DDX50: variants seen among roughly 807,000 people sequenced by gnomAD.
The protein encoded by DDX50 is DExD-box helicase 50, also known as ATP-dependent RNA helicase DDX50.
A neutral mutation model predicts 94.8 loss-of-function variants in DDX50; 56 were observed. The observed-to-expected ratio is 0.59, with a 90% CI of 0.48 to 0.74. The LOEUF (loss-of-function observed/expected upper bound fraction) is 0.74, where lower values mean the gene tolerates loss of function less well. DDX50 is among the 30% of genes least tolerant of loss of function. The pLI is 0.00. For missense variants in DDX50, 713 were observed against 881.2 expected, an observed-to-expected ratio of 0.81 and a Z score of 2.42; for synonymous variants, 264 against 295.4, an observed-to-expected ratio of 0.89 and a Z score of 1.09.
intron 7 of DDX50, among the ~76,000 whole-genome samples, chr10:68,918,256 C>T (rs2132035052): frequency 6.6e-6 from 1 of 152,034 alleles, no homozygotes; most frequent in Admixed American, 6.6e-5. Flanking sequence ...GCCATATTTA[C>T]AGTTTTTTAA....
At chr10:68,904,240 G>GC (rs1724349308) in intron 1 of DDX50, among the ~76,000 whole-genome samples, 1 of 152,052 alleles carries the variant, frequency 6.6e-6, no homozygotes, top group Non-Finnish European at 1.5e-5. Flanking sequence ...GAGCCAGGGA[G>GC]GTTGAGGCCA....
chr10:68,941,204 T>C lies in DDX50; in HGVS notation c.1890+10T>C, dbSNP rs1842545387. The C allele has an allele frequency of 6.2e-7, 1 of 1,605,458 alleles. No homozygotes were observed. On this transcript the variant is annotated intron_variant, in intron 13 of 14. Transcript: ENST00000373585. ...CCTGAAAGGAAATATGGTAGGCTTT[T>C]CCAGACAATTAAAAAGCTTTTTAAT... is the stretch of plus-strand genomic sequence containing the variant.
chr10:68,920,971 G>GA (rs67043980), intron 8 of DDX50, among the ~76,000 whole-genome samples: 9,435 of 140,370 alleles, frequency 0.067, 1,020 homozygotes, highest in African/African-American at 0.23. Flanking sequence ...AAAAGAAAGG[G>GA]AAAAAAAAAA....
intron 8 of DDX50, among the ~76,000 whole-genome samples, chr10:68,929,374 T>TTCC (rs1842187710): frequency 6.6e-6 from 1 of 150,692 alleles, no homozygotes; most frequent in Non-Finnish European, 1.5e-5. Flanking sequence ...CTTCCTTTCC[T>TTCC]TTCTTTCCTT....
At position 68,930,114 on chromosome 10, in the gene DDX50, CTTTT is replaced by C. The variant is rs34023657; in HGVS notation, c.1240-4066_1240-4063del. 9.9e-4 allele frequency among the ~76,000 whole-genome samples: 99 copies of C among 99,776 alleles called. No homozygotes were observed. In the Admixed American group the frequency reaches 0.01, roughly 10 times the overall value. 65.5% of individuals were successfully genotyped at this position (99,776 alleles called of 152,430 possible). A position where few individuals can be genotyped will look rare whatever the true frequency, so the allele number is the denominator to read the frequency against. On this transcript the variant is annotated intron_variant, in intron 8 of 14. Transcript: ENST00000373585. ...TTCCTTCCTTCCTTTCTTTCCTTTC[CTTTT>C]TTTTTTTTTTTTTTTTTTGATGGAG...
chr10:68,908,043 C>T (rs1191635252), intron 2 of DDX50, among the ~76,000 whole-genome samples: 1 of 152,000 alleles, frequency 6.6e-6, no homozygotes, highest in African/African-American at 2.4e-5. Flanking sequence ...TTTAAACATC[C>T]TAAATGTCTG....
chr10:68,923,498 G>T (rs1468215273), intron 8 of DDX50, among the ~76,000 whole-genome samples: 1 of 151,048 alleles, frequency 6.6e-6, no homozygotes, highest in Non-Finnish European at 1.5e-5. Context: ...AAGCCACTGT[G>T]CCCAGCCAAT....
chr10:68,937,889 AT>A (rs1277204510), intron 12 of DDX50, among the ~76,000 whole-genome samples: 1 of 151,896 alleles, frequency 6.6e-6, no homozygotes. Flanking sequence ...CCCGGCCTGT[AT>A]TTTTTTTCTA....
chr10:68,907,418 C>T (rs1310824530), intron 2 of DDX50, among the ~76,000 whole-genome samples: 3 of 149,600 alleles, frequency 2.0e-5, no homozygotes, highest in Non-Finnish European at 3.0e-5. Context: ...CGGGTTGAAG[C>T]GATTCTCCTG....
rs1158722953 is a variant in DDX50, at chr10:68,929,332, TTTCC to T, written c.1240-4851_1240-4848del. ...CTCTCTCTTTCTTTCTCTTTCTTTC[TTTCC>T]TTCCTTCCTTCCTTCTTTCCTTCTT... On this transcript the variant is annotated intron_variant, in intron 8 of 14. Transcript: ENST00000373585. Among the ~76,000 whole-genome samples, 1,000 of 144,028 alleles carry T rather than the reference TTTCC, an allele frequency of 6.9e-3. 93 individuals are homozygous for T. The highest frequency in any genetic ancestry group is 0.067 in the Admixed American group (930 of 13,926). 94.5% of individuals were successfully genotyped at this position (144,028 alleles called of 152,430 possible). A position where few individuals can be genotyped will look rare whatever the true frequency, so the allele number is the denominator to read the frequency against.
At chr10:68,912,818 C>T (rs995150602) in intron 4 of DDX50, among the ~76,000 whole-genome samples, 5 of 152,120 alleles carry the variant, frequency 3.3e-5, no homozygotes, top group African/African-American at 1.2e-4. Flanking sequence ...ACATAAATTC[C>T]TGCCTTCATG....
chr10:68,923,504 C>T (rs1841997103), intron 8 of DDX50, among the ~76,000 whole-genome samples: 1 of 151,358 alleles, frequency 6.6e-6, no homozygotes, highest in African/African-American at 2.4e-5. Flanking sequence ...CTGTGCCCAG[C>T]CAATATATGA....
intron 13 of DDX50, among the ~76,000 whole-genome samples, chr10:68,942,894 T>A (rs1219108274): frequency 6.6e-6 from 1 of 152,172 alleles, no homozygotes; most frequent in African/African-American, 2.4e-5. Context: ...GTGCTGGGAT[T>A]ACAGGCATGA....
Position 68,914,044 on chromosome 10 carries a change from TTTTG to T in DDX50, c.944-11_944-8del. On this transcript the variant is annotated splice_polypyrimidine_tract_variant and intron_variant, in intron 6 of 14. Coordinates refer to ENST00000373585, the MANE Select transcript of DDX50 (RefSeq NM_024045.2). Reference sequence around the variant, plus strand: ...GAAATTAAGAAAACATTTGAATTCTTTTTGTTTATTTAAGATTCTGAAGACAATC... The same window carrying T: ...GAAATTAAGAAAACATTTGAATTCTTTTTATTTAAGATTCTGAAGACAATC... The T allele has an allele frequency of 1.3e-6, 2 of 1,562,628 alleles. No homozygotes were observed. The highest frequency in any genetic ancestry group is 1.7e-6 in the Non-Finnish European group (2 of 1,161,472).
At chr10:68,945,077 AT>A (rs2132067922) in intron 14 of DDX50, among the ~76,000 whole-genome samples, 1 of 152,284 alleles carries the variant, frequency 6.6e-6, no homozygotes, top group South Asian at 2.1e-4. Flanking sequence ...ATAATTTACT[AT>A]TATTAGGACT....
chr10:68,934,052 AC>A lies in DDX50; in HGVS notation c.1240-146del, dbSNP rs1842339796. The A allele has an allele frequency of 1.5e-6, 1 of 660,304 alleles. No homozygotes were observed. The highest frequency in any genetic ancestry group is 3.8e-5 in the South Asian group (1 of 26,626). 40.9% of individuals were successfully genotyped at this position (660,304 alleles called of 1,614,324 possible). On this transcript the variant is annotated intron_variant, in intron 8 of 14. Transcript: ENST00000373585. The surrounding 1 kb of genome is among the most constrained non-coding windows in gnomAD (Gnocchi z 4.0). ...TGTTAAATATTTTCTGTCATGTTTGACTTTTTTTTTTTACAGTAAGCATGCA... is the reference window on the plus strand; with the variant it reads ...TGTTAAATATTTTCTGTCATGTTTGATTTTTTTTTTTACAGTAAGCATGCA...
chr10:68,937,834 C>T (rs1842462992), intron 12 of DDX50, among the ~76,000 whole-genome samples: 1 of 152,244 alleles, frequency 6.6e-6, no homozygotes, highest in East Asian at 1.9e-4. Flanking sequence ...GATCTGCCCT[C>T]CTCAGCCTCC....
rs1391846864 is a variant in DDX50 at position 68,934,869 on chromosome 10, T to C, written c.1472T>C (p.Phe491Ser). 6.2e-7 allele frequency: 1 copy of C among 1,613,108 alleles called. No individual in the cohort carries two copies. Among genetic ancestry groups the C allele is most frequent in the Non-Finnish European group, 8.5e-7 (1 of 1,179,582 alleles). Residue 491 changes from phenylalanine to serine, a missense_variant, in exon 10 of 15, where the codon TTT becomes TCT. Phe to Ser is a radical substitution (Grantham distance 155). Transcript: ENST00000373585. The surrounding 1 kb of genome is among the most constrained non-coding windows in gnomAD (Gnocchi z 4.0). ...GGACGGACAGGGATTTGTATATGTT[T>C]TTATCAACCAAGAGAAAGAGGTCAA... ...RAGRTGICIC[F>S]YQPRERGQLR...
In DDX50 at chr10:68,934,452, G is replaced by C; in HGVS notation, c.1401+92G>C. On this transcript the variant is annotated intron_variant, in intron 9 of 14. Transcript: ENST00000373585. This position sits in a 1 kb window ranked among gnomAD's most constrained non-coding sequence, Gnocchi z 4.0. The stretch of plus-strand genomic sequence containing the variant: ...ATATTGCTTGGGATGTGAAAAATAT[G>C]TCATCTCTTCTTGCTCTTAGCCATT... The C allele has an allele frequency of 6.5e-7, 1 of 1,543,978 alleles. No individual in the cohort carries two copies. The highest frequency in any genetic ancestry group is 8.8e-7 in the Non-Finnish European group (1 of 1,139,830).
Sources: allele counts gnomAD v4.1 joint callset (sites outside exome capture counted in the v4.1 genomes callset), GRCh38; gene constraint gnomAD v4.1.1; non-coding constraint Gnocchi (gnomAD v3.1); transcripts MANE v1.5; gene names NCBI Gene and HGNC (gene_info 2026-07-23, HGNC 2026-07-21).